The following ABCB10 variants were observed in gnomAD, a reference collection of about 807,000 sequenced individuals.
ABCB10 encodes ATP binding cassette subfamily B member 10, also known as ATP-binding cassette sub-family B member 10, mitochondrial.
In ABCB10, 54 loss-of-function variants were observed where a neutral mutation model predicts 65.4. The observed-to-expected ratio is 0.83, with a 90% CI of 0.66 to 1.04. The LOEUF (loss-of-function observed/expected upper bound fraction) is 1.04, where lower values mean the gene tolerates loss of function less well. Ranked by LOEUF, ABCB10 falls within the 50% of genes least tolerant of loss-of-function variation. ABCB10 has a pLI of 0.00. For missense variants in ABCB10, 846 were observed against 976.6 expected (o/e 0.87, Z 1.78); for synonymous variants, 418 against 406.5 (o/e 1.03, Z -0.34).
intron 6 of ABCB10, among the ~76,000 whole-genome samples, chr1:229,535,393 G>A (rs1167025741): frequency 6.6e-6 from 1 of 152,174 alleles, no homozygotes; most frequent in Non-Finnish European, 1.5e-5. Flanking sequence ...ATATTATTCA[G>A]TGCTAAAAAT....
Position 229,540,647 on chromosome 1 carries a change from C to T in ABCB10, c.1162G>A (p.Ala388Thr). The T allele has an allele frequency of 6.2e-7, 1 of 1,612,396 alleles. No homozygotes were observed. Among genetic ancestry groups the T allele is most frequent in the South Asian group, 1.1e-5 (1 of 90,964 alleles). The change falls in exon 5 of 13, where the codon GCA (alanine) becomes ACA (threonine). Residue 388 changes from alanine (A) to threonine (T), a missense_variant. By Grantham distance (58) the Ala-to-Thr change is moderately conservative. This residue lies in a region of ABCB10 where 632 missense variants were observed against 803.2 expected (regional missense o/e 0.79). Coordinates refer to ENST00000344517, the MANE Select transcript of ABCB10 (RefSeq NM_012089.3). ...GCCCGGGCGAATGCCTCTTTCCTTG[C>T]TAACTGCATTACATGGTCCACTTTG... ...ASKVDHVMQL[A>T]RKEAFARAGF... is the part of the protein sequence containing the mutation.
chr1:229,521,480 A>C (rs867589451), intron 11 of ABCB10, 112 bp downstream of exon 11: 19 of 1,357,978 alleles, frequency 1.4e-5, no homozygotes, highest in Admixed American at 1.4e-4. Context: ...CAAGAAAAAA[A>C]AAAAAACAAA....
intron 1 of ABCB10, among the ~76,000 whole-genome samples, chr1:229,552,105 TC>T (rs1663129669): frequency 6.6e-6 from 1 of 152,202 alleles, no homozygotes; most frequent in Non-Finnish European, 1.5e-5. Flanking sequence ...TTTCAGGATA[TC>T]CCCCCACACT....
chr1:229,544,163 T>C (rs549628311), intron 3 of ABCB10, among the ~76,000 whole-genome samples: 4 of 152,140 alleles, frequency 2.6e-5, no homozygotes, highest in Non-Finnish European at 4.4e-5. Flanking sequence ...TCTGTAATCC[T>C]AGCATTTCGG....
intron 7 of ABCB10, among the ~76,000 whole-genome samples, chr1:229,530,730 T>C (rs1025288793): frequency 6.6e-6 from 1 of 152,240 alleles, no homozygotes; most frequent in Non-Finnish European, 1.5e-5. Flanking sequence ...AGCTAACAAG[T>C]AGTGGAGTTA....
intron 1 of ABCB10, among the ~76,000 whole-genome samples, chr1:229,552,064 A>T (rs1355674484): frequency 1.3e-5 from 2 of 152,260 alleles, no homozygotes; most frequent in African/African-American, 4.8e-5. Flanking sequence ...CTGATTACAA[A>T]GAGGAAGTAA....
intron 6 of ABCB10, among the ~76,000 whole-genome samples, chr1:229,533,049 C>T (rs1489371616): frequency 1.3e-5 from 2 of 152,132 alleles, no homozygotes; most frequent in Non-Finnish European, 2.9e-5. Context: ...TCAAGCAATC[C>T]TCCTGCCTTG....
rs977644718 is a variant in ABCB10, at chr1:229,549,166, C to T, written c.718+68G>A. 8.3e-6 allele frequency: 13 copies of T among 1,567,002 alleles called. No homozygotes were observed. The East Asian group carries it at 9.0e-5, about 11-fold the overall frequency. On this transcript the variant is annotated intron_variant, in intron 2 of 12. Coordinates refer to ENST00000344517, the MANE Select transcript of ABCB10 (RefSeq NM_012089.3). ...GCCTGGAGCACATGAGATTTGAGCC[C>T]GAACAAACCCACAGGACTCTACATC...
At position 229,549,503 on chromosome 1, in the gene ABCB10, G is replaced by T. The variant is rs577543529; in HGVS notation, c.518-69C>A. On this transcript the variant is annotated intron_variant, in intron 1 of 12. Coordinates refer to ENST00000344517, the MANE Select transcript of ABCB10 (RefSeq NM_012089.3). ...AGGGGCTGCGGTGCTGAGTCCAGGA[G>T]GCTTCCTTGCCAAATAAGCTGTTGT... The T allele has an allele frequency of 8.5e-5, 123 of 1,445,488 alleles. No homozygotes were observed. The South Asian group carries it at 9.0e-4, about 11-fold the overall frequency. 89.5% of individuals were successfully genotyped at this position (1,445,488 alleles called of 1,614,324 possible). A position where few individuals can be genotyped will look rare whatever the true frequency, so the allele number is the denominator to read the frequency against.
intron 1 of ABCB10, among the ~76,000 whole-genome samples, chr1:229,556,531 A>G (rs963036679): frequency 1.3e-5 from 2 of 152,146 alleles, no homozygotes; most frequent in Non-Finnish European, 2.9e-5. Context: ...GAAGAAAGAA[A>G]AAAGGAGGCA....
intron 1 of ABCB10, among the ~76,000 whole-genome samples, chr1:229,550,702 A>T (rs1258813610): frequency 3.3e-5 from 5 of 151,370 alleles, no homozygotes; most frequent in African/African-American, 1.2e-4. Context: ...AAAAAAAAAA[A>T]AAATACAAAA....
chr1:229,558,694 C>G lies in ABCB10; in HGVS notation c.-42G>C. On this transcript the variant is annotated 5_prime_UTR_variant, in exon 1 of 13. Coordinates refer to ENST00000344517, the MANE Select transcript of ABCB10 (RefSeq NM_012089.3). ...CGTACGCCTCAGCCCGCCGGCCAGG[C>G]GCGCGCAAAGCCCGAGGACCCTCCC... The G allele has an allele frequency of 8.0e-7, 1 of 1,256,018 alleles. No homozygotes were observed. Among genetic ancestry groups the G allele is most frequent in the Non-Finnish European group, 1.0e-6 (1 of 1,001,044 alleles). The allele number at this position is 1,256,018 out of a possible 1,614,324, so 77.8% of individuals were successfully genotyped here. A position where few individuals can be genotyped will look rare whatever the true frequency, so the allele number is the denominator to read the frequency against.
intron 6 of ABCB10, among the ~76,000 whole-genome samples, chr1:229,533,668 G>A (rs1465103276): frequency 6.6e-6 from 1 of 152,154 alleles, no homozygotes. Flanking sequence ...CAATACAATG[G>A]AGATGCAACG....
rs779955413 is a variant in ABCB10 at position 229,540,598 on chromosome 1, C to T, written c.1203+8G>A. The T allele has an allele frequency of 1.2e-6, 2 of 1,607,038 alleles. No homozygotes were observed. The highest frequency in any genetic ancestry group is 1.7e-5 in the Admixed American group (1 of 58,862). On this transcript the variant is annotated splice_region_variant and intron_variant, in intron 5 of 12. Coordinates refer to ENST00000344517, the MANE Select transcript of ABCB10 (RefSeq NM_012089.3). ...CCAATTTTACTTTTTCCAAAGTGATCTACTTACTGCTCCAAAGAAACCAGC... is the reference window on the plus strand; with the variant it reads ...CCAATTTTACTTTTTCCAAAGTGATTTACTTACTGCTCCAAAGAAACCAGC...
At chr1:229,544,112 T>C (rs1271440685) in intron 3 of ABCB10, among the ~76,000 whole-genome samples, 1 of 152,202 alleles carries the variant, frequency 6.6e-6, no homozygotes, top group East Asian at 1.9e-4. Context: ...CATAATGAAG[T>C]GTTTTGAATA....
intron 10 of ABCB10, among the ~76,000 whole-genome samples, chr1:229,523,153 G>A (rs1183214245): frequency 6.6e-6 from 1 of 152,184 alleles, no homozygotes; most frequent in East Asian, 1.9e-4. Context: ...TCTACTAAAA[G>A]TGAGGGAACA....
intron 8 of ABCB10, 40 bp from the exon 9 acceptor site, chr1:229,527,348 G>C (rs1662470603): frequency 6.4e-7 from 1 of 1,564,866 alleles, no homozygotes; most frequent in Non-Finnish European, 8.8e-7. Context: ...CACTGAGTGT[G>C]ATGAGGCTGA....
chr1:229,539,162 A>G (rs923082703), intron 6 of ABCB10, among the ~76,000 whole-genome samples: 2 of 152,212 alleles, frequency 1.3e-5, no homozygotes, highest in Non-Finnish European at 2.9e-5. Flanking sequence ...ACCTGTGAGC[A>G]AGTGAACAAA....
intron 5 of ABCB10, 124 bp downstream of exon 5, chr1:229,540,482 C>T: frequency 1.0e-6 from 1 of 1,004,704 alleles, no homozygotes; most frequent in Non-Finnish European, 1.4e-6. Context: ...CATTCTTGGC[C>T]TTGAAATTAA....
Sources: allele counts gnomAD v4.1 joint callset (sites outside exome capture counted in the v4.1 genomes callset), GRCh38; gene constraint gnomAD v4.1.1; regional missense constraint gnomAD v4.1.1; transcripts MANE v1.5; gene names NCBI Gene and HGNC (gene_info 2026-07-23, HGNC 2026-07-21).